KERA: variants seen among roughly 807,000 people sequenced by gnomAD.
The protein encoded by KERA is keratan sulfate proteoglycan keratocan.
In KERA, 25 loss-of-function variants were observed where a neutral mutation model predicts 26.4. That is an observed-to-expected ratio of 0.95 (90% confidence interval 0.69 to 1.32). The LOEUF (loss-of-function observed/expected upper bound fraction) is 1.32, where lower values mean the gene tolerates loss of function less well. KERA is among the 40% of genes most tolerant of loss of function. The probability of loss-of-function intolerance (pLI) is 0.00; values close to 1 mark genes in which losing one functional copy is unlikely to be tolerated. For synonymous variants in KERA, 167 were observed against 146.1 expected (o/e 1.14, Z -1.03); for missense variants, 434 against 408.9 (o/e 1.06, Z -0.53).
In KERA at chr12:91,056,183, A is replaced by T; in HGVS notation, c.99T>A (p.Asp33Glu). 6.2e-7 allele frequency: 1 copy of T among 1,610,270 alleles called. No individual in the cohort carries two copies. ...VRQVYEVHDS[D>E]DWTIHDFECP... ...ACTCGAAGTCATGAATAGTCCAATCATCTGAATCATGTACTTCATAGACCT... is the reference window on the plus strand; with the variant it reads ...ACTCGAAGTCATGAATAGTCCAATCTTCTGAATCATGTACTTCATAGACCT... Residue 33 changes from aspartate to glutamate, a missense_variant, in exon 2 of 3, where the codon GAT (aspartate) becomes GAA (glutamate). Transcript: ENST00000266719.
intron 2 of KERA, among the ~76,000 whole-genome samples, chr12:91,054,923 C>T (rs960033920): frequency 4.6e-5 from 7 of 151,086 alleles, no homozygotes; most frequent in South Asian, 4.2e-4. Context: ...CTGTAATTAG[C>T]GGAGTTTAAT....
chr12:91,056,977 T>TTCTC (rs886485276), intron 1 of KERA, among the ~76,000 whole-genome samples: 2 of 146,980 alleles, frequency 1.4e-5, no homozygotes, highest in Non-Finnish European at 3.0e-5. Context: ...CTCTCTCCCT[T>TTCTC]TCTCTCTCTC....
chr12:91,056,026 T>C lies in KERA; in HGVS notation c.256A>G (p.Ile86Val), dbSNP rs564854065. The C allele has an allele frequency of 3.4e-5, 55 of 1,610,070 alleles. No individual in the cohort carries two copies. The highest frequency in any genetic ancestry group is 8.4e-5 in the Admixed American group (5 of 59,548). Residue 86 changes from isoleucine to valine, a missense_variant, in exon 2 of 3, where the codon ATT becomes GTT. Coordinates refer to ENST00000266719, the MANE Select transcript of KERA (RefSeq NM_007035.4). ...GCATTCTCAAATGGCTTTTCAGGAATGGTTTCTATCAGGTTGTTTTGAAGA... is the reference window on the plus strand; with the variant it reads ...GCATTCTCAAATGGCTTTTCAGGAACGGTTTCTATCAGGTTGTTTTGAAGA... ...LYLQNNLIET[I>V]PEKPFENATQ...
chr12:91,054,642 C>G (rs936123257), intron 2 of KERA, among the ~76,000 whole-genome samples: 1 of 151,310 alleles, frequency 6.6e-6, no homozygotes, highest in Non-Finnish European at 1.5e-5. Flanking sequence ...ATCTCTCACT[C>G]CCTTATGAAA....
Position 91,051,285 on chromosome 12 carries a change from T to A in KERA, c.*61A>T. 1 of 1,376,772 alleles carries A rather than the reference T, an allele frequency of 7.3e-7. No homozygotes were observed. 85.3% of individuals were successfully genotyped at this position (1,376,772 alleles called of 1,614,324 possible). A position where few individuals can be genotyped will look rare whatever the true frequency, so the allele number is the denominator to read the frequency against. ...ACTTGTGTCCTAAACCTATTAATGG[T>A]AACCACATTTCATGTCAGAAACAGC... On this transcript the variant is annotated 3_prime_UTR_variant, in exon 3 of 3. Coordinates refer to ENST00000266719, the MANE Select transcript of KERA (RefSeq NM_007035.4).
At chr12:91,055,135 C>T (rs734722) in intron 2 of KERA, among the ~76,000 whole-genome samples, 47,800 of 150,950 alleles carry the variant, frequency 0.32, 10,498 homozygotes, top group African/African-American at 0.63. Flanking sequence ...TAGAGGCATT[C>T]AGTTTCTCTA....
chr12:91,053,891 A>G (rs545836162), intron 2 of KERA, among the ~76,000 whole-genome samples: 20 of 151,498 alleles, frequency 1.3e-4, no homozygotes, highest in Admixed American at 4.0e-4. Context: ...CTTGAAGTTT[A>G]CTTCCCACAT....
chr12:91,053,352 A>G (rs1187504698), intron 2 of KERA, among the ~76,000 whole-genome samples: 2 of 151,408 alleles, frequency 1.3e-5, no homozygotes, highest in African/African-American at 4.8e-5. Flanking sequence ...AAGTATTGTT[A>G]TTATACTGTA....
chr12:91,055,626 A>C lies in KERA; in HGVS notation c.656T>G (p.Phe219Cys), dbSNP rs1203063342. The C allele has an allele frequency of 6.2e-7, 1 of 1,611,120 alleles. No individual in the cohort carries two copies. Among genetic ancestry groups the C allele is most frequent in the Non-Finnish European group, 8.5e-7 (1 of 1,178,134 alleles). The part of the protein sequence containing the change: ...PRLPANTMQL[F>C]LDNNSIEGIP... ...TCCTTCAATGGAATTGTTGTCTAAA[A>C]ACAACTGCATTGTATTGGCTGGTAA... is the stretch of plus-strand genomic sequence containing the variant. Residue 219 changes from phenylalanine to cysteine, a missense_variant, in exon 2 of 3, where the codon TTT becomes TGT. Phe to Cys is a radical substitution (Grantham distance 205). Transcript: ENST00000266719.
At position 91,050,689 on chromosome 12, in the gene KERA, T is replaced by C. The variant is rs1878843682; in HGVS notation, c.*657A>G. Reference sequence around the variant, plus strand: ...AATGCATTATAATAAACATAAAATTTAGAACTTATAAGAATGCAGTGGACT... The same window carrying C: ...AATGCATTATAATAAACATAAAATTCAGAACTTATAAGAATGCAGTGGACT... On this transcript the variant is annotated 3_prime_UTR_variant, in exon 3 of 3. Transcript: ENST00000266719. The C allele has an allele frequency of 6.6e-6, 1 of 152,026 alleles. No homozygotes were observed. The highest frequency in any genetic ancestry group is 1.9e-4 in the East Asian group (1 of 5,150). 9.4% of individuals were successfully genotyped at this position (152,026 alleles called of 1,614,324 possible).
chr12:91,051,283 G>T lies in KERA; in HGVS notation c.*63C>A. 1 of 1,364,554 alleles carries T rather than the reference G, an allele frequency of 7.3e-7. No individual in the cohort carries two copies. Among genetic ancestry groups the T allele is most frequent in the South Asian group, 1.2e-5 (1 of 84,818 alleles). The allele number at this position is 1,364,554 out of a possible 1,614,324, so 84.5% of individuals were successfully genotyped here. A position where few individuals can be genotyped will look rare whatever the true frequency, so the allele number is the denominator to read the frequency against. ...TGACTTGTGTCCTAAACCTATTAAT[G>T]GTAACCACATTTCATGTCAGAAACA... On this transcript the variant is annotated 3_prime_UTR_variant, in exon 3 of 3. Transcript: ENST00000266719.
chr12:91,052,108 A>T (rs1223740450), intron 2 of KERA, among the ~76,000 whole-genome samples: 2 of 151,646 alleles, frequency 1.3e-5, no homozygotes, highest in African/African-American at 4.8e-5. Context: ...TTGAATCTTC[A>T]TCTTCAAATT....
At position 91,051,116 on chromosome 12, in the gene KERA, T is replaced by G. The variant is rs1047083666; in HGVS notation, c.*230A>C. 5.3e-5 allele frequency: 26 copies of G among 487,618 alleles called. No homozygotes were observed. Among genetic ancestry groups the G allele is most frequent in the Non-Finnish European group, 7.5e-5 (20 of 266,348 alleles). 30.2% of individuals were successfully genotyped at this position (487,618 alleles called of 1,614,324 possible). On this transcript the variant is annotated 3_prime_UTR_variant, in exon 3 of 3. Coordinates refer to ENST00000266719, the MANE Select transcript of KERA (RefSeq NM_007035.4). ...TAAAACTATCTTTGAGTTGATAAAC[T>G]ATCTTAACTCTGTGTCTGTTTTATT...
intron 2 of KERA, among the ~76,000 whole-genome samples, chr12:91,055,076 G>C (rs1051576944): frequency 1.3e-4 from 19 of 151,150 alleles, no homozygotes; most frequent in African/African-American, 4.3e-4. Context: ...TCTTAAATAA[G>C]CCTACCCAAT....
At position 91,056,114 on chromosome 12, in the gene KERA, T is replaced by C; in HGVS notation, c.168A>G (p.Leu56=). 2 of 1,610,290 alleles carry C rather than the reference T, an allele frequency of 1.2e-6. No individual in the cohort carries two copies. The highest frequency in any genetic ancestry group is 1.7e-6 in the Non-Finnish European group (2 of 1,177,900). The change falls in exon 2 of 3, where the codon TTA becomes TTG. Residue 56 remains leucine (L), a synonymous_variant. Coordinates refer to ENST00000266719, the MANE Select transcript of KERA (RefSeq NM_007035.4). ...CFCPPSFPTA[L]YCENRGLKEI... ...CTTTGAGACCTCTATTTTCACAATATAAAGCAGTAGGAAAACTGGGTGGGC... is the reference window on the plus strand; with the variant it reads ...CTTTGAGACCTCTATTTTCACAATACAAAGCAGTAGGAAAACTGGGTGGGC...
At position 91,055,432 on chromosome 12, in the gene KERA, G is replaced by A. The variant is rs199626241; in HGVS notation, c.850C>T (p.Leu284=). 3.1e-6 allele frequency: 5 copies of A among 1,610,350 alleles called. No homozygotes were observed. The highest frequency in any genetic ancestry group is 4.2e-6 in the Non-Finnish European group (5 of 1,177,550). The change falls in exon 2 of 3, where the codon CTG becomes TTG. Residue 284 remains leucine (L), a synonymous_variant. Coordinates refer to ENST00000266719, the MANE Select transcript of KERA (RefSeq NM_007035.4). Reference sequence around the variant, plus strand: ...TTATGATCAAGGTGAAGGTGCTGCAGATGAGCACTGATTCGGGGAACCTTT... The same window carrying A: ...TTATGATCAAGGTGAAGGTGCTGCAAATGAGCACTGATTCGGGGAACCTTT... ...LTKVPRISAH[L]QHLHLDHNKI...
In KERA at chr12:91,055,890, T is replaced by G; in HGVS notation, c.392A>C (p.Asn131Thr). The G allele has an allele frequency of 6.2e-7, 1 of 1,611,276 alleles. No individual in the cohort carries two copies. Among genetic ancestry groups the G allele is most frequent in the South Asian group, 1.1e-5 (1 of 91,020 alleles). The change falls in exon 2 of 3, where the codon AAT becomes ACT. Residue 131 changes from asparagine to threonine, a missense_variant. Transcript: ENST00000266719. ...KKLLFLFLED[N>T]ELEEVPSPLP... ...TGGAGAAGGTACCTCCTCTAGCTCA[T>G]TATCTTCCAGAAATAAGAAGAGCAA...
intron 2 of KERA, among the ~76,000 whole-genome samples, chr12:91,052,282 C>G (rs1252479335): frequency 5.3e-5 from 8 of 151,400 alleles, no homozygotes; most frequent in Non-Finnish European, 7.4e-5. Context: ...TAGGAACATA[C>G]AGGAGAGAAG....
intron 2 of KERA, among the ~76,000 whole-genome samples, chr12:91,051,990 T>C (rs1408744573): frequency 1.3e-5 from 2 of 151,388 alleles, no homozygotes; most frequent in Admixed American, 1.3e-4. Context: ...CAATCTAATA[T>C]AAAAGAAAAT....
Sources: gnomAD v4.1 joint callset for allele counts (sites outside exome capture counted in the v4.1 genomes callset) on GRCh38, gnomAD v4.1.1 for gene constraint, MANE v1.5 for transcripts, NCBI Gene and HGNC (gene_info 2026-07-23, HGNC 2026-07-21) for gene names.